Variants in INPP4B observed in about 807,000 individuals in gnomAD.
INPP4B encodes the protein inositol polyphosphate-4-phosphatase type II B.
A neutral mutation model predicts 122.5 loss-of-function variants in INPP4B; 55 were observed. That is an observed-to-expected ratio of 0.45 (90% CI 0.36 to 0.56). The LOEUF is 0.56. Among genes scored for constraint, INPP4B ranks in the 20% least tolerant of loss-of-function variants. INPP4B has a pLI of 0.00. For missense variants in INPP4B, 1,000 were observed against 1,097.7 expected (o/e 0.91, Z 1.26); for synonymous variants, 403 against 388.7 (o/e 1.04, Z -0.43).
At chr4:142,624,127 C>G (rs1430722894) in intron 2 of INPP4B, among the ~76,000 whole-genome samples, 1 of 150,510 alleles carries the variant, frequency 6.6e-6, no homozygotes, top group Non-Finnish European at 1.5e-5. Flanking sequence ...AGTTCTAGAT[C>G]TCTGAGGAAT....
intron 3 of INPP4B, among the ~76,000 whole-genome samples, chr4:142,457,591 T>C (rs28850298): frequency 0.15 from 23,440 of 152,134 alleles, 2,104 homozygotes; most frequent in East Asian, 0.38. Flanking sequence ...AACAGAGAAC[T>C]ATCACTACAT....
intron 2 of INPP4B, among the ~76,000 whole-genome samples, chr4:142,617,468 C>T (rs1424017361): frequency 6.6e-6 from 1 of 152,114 alleles, no homozygotes; most frequent in African/African-American, 2.4e-5. Context: ...TCTCCCCTCC[C>T]TTCAGCAAGA....
chr4:142,845,030 C>G (rs1784016051), intron 1 of INPP4B, among the ~76,000 whole-genome samples: 1 of 151,972 alleles, frequency 6.6e-6, no homozygotes, highest in Admixed American at 6.5e-5. Flanking sequence ...AATAACATTC[C>G]AGAAAGAGAA....
chr4:142,499,118 A>G (rs1373729634), intron 2 of INPP4B, among the ~76,000 whole-genome samples: 5 of 152,310 alleles, frequency 3.3e-5, no homozygotes, highest in African/African-American at 9.6e-5. Flanking sequence ...TAGGTAAAGC[A>G]GAAAACACTC....
chr4:142,530,644 A>C (rs1461935866), intron 2 of INPP4B, among the ~76,000 whole-genome samples: 2 of 151,828 alleles, frequency 1.3e-5, no homozygotes, highest in Non-Finnish European at 2.9e-5. Context: ...AAAATAATTG[A>C]GAACAATTTG....
At chr4:142,513,409 C>T (rs1274493215) in intron 2 of INPP4B, among the ~76,000 whole-genome samples, 1 of 151,178 alleles carries the variant, frequency 6.6e-6, no homozygotes, top group Non-Finnish European at 1.5e-5. Context: ...TCTGGGGTCT[C>T]TCTCTTTTTT....
intron 7 of INPP4B, among the ~76,000 whole-genome samples, chr4:142,386,649 C>T (rs1397998143): frequency 6.6e-6 from 1 of 152,190 alleles, no homozygotes; most frequent in Non-Finnish European, 1.5e-5. Flanking sequence ...CAGCTGTTTC[C>T]GTACCTCACT....
At chr4:142,778,006 C>A (rs1774200979) in intron 1 of INPP4B, among the ~76,000 whole-genome samples, 1 of 152,278 alleles carries the variant, frequency 6.6e-6, no homozygotes, top group African/African-American at 2.4e-5. Flanking sequence ...TGGGGCCCAT[C>A]TAAGAACGTG....
chr4:142,712,376 C>A (rs144812467), intron 2 of INPP4B, among the ~76,000 whole-genome samples: 7 of 152,132 alleles, frequency 4.6e-5, no homozygotes, highest in Non-Finnish European at 1.0e-4. Flanking sequence ...CCCTTAACTG[C>A]GCTCCTGCTG....
chr4:142,077,359 C>T (rs560642597), intron 25 of INPP4B, among the ~76,000 whole-genome samples: 5 of 152,022 alleles, frequency 3.3e-5, no homozygotes, highest in Admixed American at 1.3e-4. Context: ...CACATTACTA[C>T]TTTGTGTAGT....
At chr4:142,681,561 G>T (rs1471160752) in intron 2 of INPP4B, among the ~76,000 whole-genome samples, 7 of 151,800 alleles carry the variant, frequency 4.6e-5, no homozygotes, top group Non-Finnish European at 1.5e-5. Flanking sequence ...TGGATAACTC[G>T]AGATGGAGTG....
intron 5 of INPP4B, among the ~76,000 whole-genome samples, chr4:142,410,834 C>T (rs1804457348): frequency 6.6e-6 from 1 of 152,072 alleles, no homozygotes; most frequent in Admixed American, 6.6e-5. Context: ...TTATACTGTG[C>T]ATTAACACAA....
rs1736395436 is a variant in INPP4B, at chr4:142,024,427, C to T, written c.*4355G>A. The T allele has an allele frequency of 6.6e-6, 1 of 152,132 alleles. No homozygotes were observed. Among genetic ancestry groups the T allele is most frequent in the Admixed American group, 6.5e-5 (1 of 15,268 alleles). The allele number at this position is 152,132 out of a possible 1,614,324, so 9.4% of individuals were successfully genotyped here. On this transcript the variant is annotated 3_prime_UTR_variant, in exon 26 of 26. Coordinates refer to ENST00000262992, the MANE Select transcript of INPP4B (RefSeq NM_001101669.3). ...GGTCGTGCATAATTTTTAAGGCCTC[C>T]AGCTACTATGATGCCTTGTGTTCAA...
chr4:142,309,638 C>T (rs1764716095), intron 8 of INPP4B, among the ~76,000 whole-genome samples: 1 of 152,190 alleles, frequency 6.6e-6, no homozygotes, highest in African/African-American at 2.4e-5. Flanking sequence ...CCCCACCATG[C>T]TATGCCTCAT....
chr4:142,521,266 T>C (rs1245992019), intron 2 of INPP4B, among the ~76,000 whole-genome samples: 2 of 151,894 alleles, frequency 1.3e-5, no homozygotes, highest in East Asian at 1.9e-4. Flanking sequence ...AAGACAAAAA[T>C]AAAAGGATTC....
At chr4:142,738,614 C>CAAAAAA (rs67923741) in intron 1 of INPP4B, among the ~76,000 whole-genome samples, 3 of 150,540 alleles carry the variant, frequency 2.0e-5, no homozygotes, top group Middle Eastern at 3.4e-3. Flanking sequence ...ATAATAAAAA[C>CAAAAAA]AAAAAAAAAG....
intron 12 of INPP4B, among the ~76,000 whole-genome samples, chr4:142,231,165 A>G (rs915262277): frequency 3.3e-5 from 5 of 152,216 alleles, no homozygotes; most frequent in African/African-American, 1.2e-4. Flanking sequence ...TGAGACTAAG[A>G]GACTAACAGC....
chr4:142,182,566 A>AT (rs1831372357), intron 15 of INPP4B, among the ~76,000 whole-genome samples: 1 of 150,122 alleles, frequency 6.7e-6, no homozygotes, highest in South Asian at 2.1e-4. Context: ...AAAACAAACA[A>AT]AAAAAAGATT....
chr4:142,571,325 A>T (rs1732777487), intron 2 of INPP4B, among the ~76,000 whole-genome samples: 1 of 152,068 alleles, frequency 6.6e-6, no homozygotes, highest in African/African-American at 2.4e-5. Context: ...AAAGATGTAA[A>T]ACTTGATGTT....
Sources: gnomAD v4.1 joint callset for allele counts (sites outside exome capture counted in the v4.1 genomes callset) on GRCh38, gnomAD v4.1.1 for gene constraint, MANE v1.5 for transcripts, NCBI Gene and HGNC (gene_info 2026-07-23, HGNC 2026-07-21) for gene names.